The following CDYL2 variants were observed in gnomAD, a reference collection of about 807,000 sequenced individuals.
The protein encoded by CDYL2 is chromodomain Y like 2, also known as chromodomain Y-like protein 2.
In CDYL2, 23 loss-of-function variants were observed where a neutral mutation model predicts 49.4. The observed-to-expected ratio is 0.47, with a 90% CI of 0.34 to 0.66. CDYL2 has a LOEUF of 0.66. Ranked by LOEUF, CDYL2 falls within the 30% of genes least tolerant of loss-of-function variation. The pLI, the probability that CDYL2 is intolerant of heterozygous loss-of-function variation, is 0.01. For missense variants in CDYL2, 678 were observed against 656.4 expected (o/e 1.03, Z -0.36); for synonymous variants, 360 against 268.8 (o/e 1.34, Z -3.32).
chr16:80,709,058 A>G (rs2142509375), intron 1 of CDYL2, among the ~76,000 whole-genome samples: 1 of 152,328 alleles, frequency 6.6e-6, no homozygotes, highest in Admixed American at 6.5e-5. Context: ...CAAATAGAAA[A>G]GCACAGGCAG....
chr16:80,687,426 A>G (rs1910241877), intron 1 of CDYL2, among the ~76,000 whole-genome samples: 2 of 151,914 alleles, frequency 1.3e-5, no homozygotes, highest in African/African-American at 4.8e-5. Flanking sequence ...GGATGAATGG[A>G]TAGATGGATG....
chr16:80,599,102 T>C lies in CDYL2; in HGVS notation c.*5286A>G, dbSNP rs1905965038. On this transcript the variant is annotated 3_prime_UTR_variant, in exon 7 of 7. Coordinates refer to ENST00000570137, the MANE Select transcript of CDYL2 (RefSeq NM_152342.4). ...AGATATAAGAGCTCCAGCATCAGGC[T>C]AGAAATAAGAGCTCCAGCATCAGGC... 1 of 151,984 alleles carries C rather than the reference T, an allele frequency of 6.6e-6. No homozygotes were observed. The highest frequency in any genetic ancestry group is 2.1e-4 in the South Asian group (1 of 4,822). 9.4% of individuals were successfully genotyped at this position (151,984 alleles called of 1,614,324 possible). A position where few individuals can be genotyped will look rare whatever the true frequency, so the allele number is the denominator to read the frequency against.
Position 80,633,015 on chromosome 16 carries a change from T to A in CDYL2, c.834+4A>T. On this transcript the variant is annotated splice_donor_region_variant and intron_variant, in intron 3 of 6. Transcript: ENST00000570137. ...TGCCCTTCCCTCTGGCCGCCACCCCTTACCTCAGGTGTCAGGGCATTGTTA... is the reference window on the plus strand; with the variant it reads ...TGCCCTTCCCTCTGGCCGCCACCCCATACCTCAGGTGTCAGGGCATTGTTA... The A allele has an allele frequency of 2.5e-6, 4 of 1,612,482 alleles. No homozygotes were observed. Among genetic ancestry groups the A allele is most frequent in the Non-Finnish European group, 3.4e-6 (4 of 1,178,594 alleles).
intron 1 of CDYL2, among the ~76,000 whole-genome samples, chr16:80,797,808 G>T (rs991952047): frequency 2.0e-5 from 3 of 152,058 alleles, no homozygotes; most frequent in African/African-American, 7.2e-5. Flanking sequence ...CTTAGTTCAA[G>T]CCACCATCAT....
chr16:80,803,241 C>A (rs1451764949), intron 1 of CDYL2, among the ~76,000 whole-genome samples: 2 of 152,196 alleles, frequency 1.3e-5, no homozygotes, highest in Admixed American at 1.3e-4. Context: ...TTGAAAGATG[C>A]CAGACTAATG....
intron 4 of CDYL2, among the ~76,000 whole-genome samples, chr16:80,618,414 G>C (rs1258961787): frequency 6.6e-6 from 1 of 152,232 alleles, no homozygotes; most frequent in Non-Finnish European, 1.5e-5. Flanking sequence ...AGGCTATGGG[G>C]ACAGGAGAAG....
chr16:80,753,205 A>T (rs1906194494), intron 1 of CDYL2, among the ~76,000 whole-genome samples: 1 of 152,146 alleles, frequency 6.6e-6, no homozygotes, highest in Admixed American at 6.5e-5. Flanking sequence ...TATTAGAAAG[A>T]GGACAATGTA....
At chr16:80,732,503 A>G (rs888709262) in intron 1 of CDYL2, among the ~76,000 whole-genome samples, 1 of 152,228 alleles carries the variant, frequency 6.6e-6, no homozygotes, top group African/African-American at 2.4e-5. Flanking sequence ...TATGCACAGA[A>G]TATCTTTGGA....
At chr16:80,676,493 C>T (rs188180659) in intron 2 of CDYL2, among the ~76,000 whole-genome samples, 146 of 152,294 alleles carry the variant, frequency 9.6e-4, no homozygotes, top group African/African-American at 3.4e-3. Context: ...CAGTCAGAGC[C>T]TTCCTGAACC....
At chr16:80,670,523 G>C (rs1909457616) in intron 2 of CDYL2, among the ~76,000 whole-genome samples, 1 of 152,144 alleles carries the variant, frequency 6.6e-6, no homozygotes. Flanking sequence ...CCAGTCTCGG[G>C]TGTGTCTTCA....
At chr16:80,777,118 G>A (rs567037076) in intron 1 of CDYL2, among the ~76,000 whole-genome samples, 4 of 152,044 alleles carry the variant, frequency 2.6e-5, no homozygotes, top group African/African-American at 9.6e-5. Context: ...CACCGTGCCC[G>A]GCATGTAAAA....
intron 1 of CDYL2, among the ~76,000 whole-genome samples, chr16:80,763,884 C>G (rs1272438996): frequency 6.6e-6 from 1 of 151,810 alleles, no homozygotes; most frequent in Non-Finnish European, 1.5e-5. Context: ...CATAAGTAAG[C>G]TTAAAAAATT....
At chr16:80,635,220 T>C (rs146081120) in intron 2 of CDYL2, among the ~76,000 whole-genome samples, 8 of 152,334 alleles carry the variant, frequency 5.3e-5, no homozygotes, top group African/African-American at 1.7e-4. Context: ...ATCATATCAA[T>C]TGATGTAGAA....
chr16:80,787,052 A>G (rs1907460262), intron 1 of CDYL2, among the ~76,000 whole-genome samples: 1 of 152,166 alleles, frequency 6.6e-6, no homozygotes, highest in Non-Finnish European at 1.5e-5. Flanking sequence ...CATGTAACCC[A>G]GAACCTAAAG....
intron 2 of CDYL2, among the ~76,000 whole-genome samples, chr16:80,657,934 T>C (rs967256396): frequency 6.6e-6 from 1 of 152,124 alleles, no homozygotes; most frequent in African/African-American, 2.4e-5. Flanking sequence ...TAAACTACGA[T>C]GCACCCACAC....
intron 5 of CDYL2, among the ~76,000 whole-genome samples, chr16:80,609,648 T>C (rs1411781545): frequency 6.6e-6 from 1 of 152,122 alleles, no homozygotes; most frequent in Non-Finnish European, 1.5e-5. Context: ...TGGATTCAGA[T>C]CCACTGGAAG....
intron 2 of CDYL2, among the ~76,000 whole-genome samples, chr16:80,644,579 T>C (rs956226745): frequency 1.3e-5 from 2 of 152,182 alleles, no homozygotes; most frequent in Admixed American, 6.5e-5. Context: ...CATGGCAGCA[T>C]GCGAAAGGCA....
intron 1 of CDYL2, among the ~76,000 whole-genome samples, chr16:80,708,329 G>A (rs1904474457): frequency 6.6e-6 from 1 of 152,158 alleles, no homozygotes; most frequent in African/African-American, 2.4e-5. Flanking sequence ...ATAAGTCTCA[G>A]GAGATCTGAT....
chr16:80,717,873 T>A (rs1206499923), intron 1 of CDYL2, among the ~76,000 whole-genome samples: 2 of 152,336 alleles, frequency 1.3e-5, no homozygotes, highest in East Asian at 3.9e-4. Context: ...CTAGAACAGT[T>A]ATCCCACATG....
Sources: gnomAD v4.1 joint callset for allele counts (sites outside exome capture counted in the v4.1 genomes callset) on GRCh38, gnomAD v4.1.1 for gene constraint, MANE v1.5 for transcripts, NCBI Gene and HGNC (gene_info 2026-07-23, HGNC 2026-07-21) for gene names.